The following PTPRM variants were observed in gnomAD, a reference collection of about 807,000 sequenced individuals.
PTPRM encodes the protein protein tyrosine phosphatase receptor type M, also known as receptor-type tyrosine-protein phosphatase mu.
Under a neutral mutation model 186.7 loss-of-function variants are expected in PTPRM, and 47 were observed. That is an observed-to-expected ratio of 0.25 (90% CI 0.20 to 0.32). The LOEUF (loss-of-function observed/expected upper bound fraction) is 0.32, where lower values mean the gene tolerates loss of function less well. PTPRM is among the 10% of genes least tolerant of loss of function. The probability of loss-of-function intolerance (pLI) is 1.00; values close to 1 mark genes in which losing one functional copy is unlikely to be tolerated. For missense variants in PTPRM, 1,494 were observed against 1,865.0 expected (o/e 0.80, Z 3.66); for synonymous variants, 668 against 674.9 (o/e 0.99, Z 0.16).
chr18:7,577,891 C>A (rs1042649372), intron 1 of PTPRM, among the ~76,000 whole-genome samples: 5 of 152,122 alleles, frequency 3.3e-5, no homozygotes, highest in Non-Finnish European at 5.9e-5. Flanking sequence ...TAGGCAGGGG[C>A]CCCTGTGAGA....
intron 1 of PTPRM, among the ~76,000 whole-genome samples, chr18:7,732,947 T>C (rs1186030178): frequency 1.3e-5 from 2 of 152,176 alleles, no homozygotes; most frequent in East Asian, 3.8e-4. Flanking sequence ...CACTACAATA[T>C]AGGCTAGACA....
At chr18:8,273,104 T>A (rs1039334378) in intron 19 of PTPRM, among the ~76,000 whole-genome samples, 3 of 152,186 alleles carry the variant, frequency 2.0e-5, no homozygotes, top group African/African-American at 7.2e-5. Flanking sequence ...AACATATAGC[T>A]AGATTTTAGT....
intron 32 of PTPRM, among the ~76,000 whole-genome samples, chr18:8,396,952 TGA>T (rs1245459428): frequency 3.3e-5 from 5 of 152,208 alleles, no homozygotes; most frequent in African/African-American, 1.2e-4. Flanking sequence ...GTATGTTGTC[TGA>T]GAGAATTAAT....
chr18:8,108,357 AC>A (rs1446220979), intron 11 of PTPRM, among the ~76,000 whole-genome samples: 1 of 152,076 alleles, frequency 6.6e-6, no homozygotes, highest in African/African-American at 2.4e-5. Flanking sequence ...AAGCGTTACA[AC>A]TTTTCTCCTT....
At chr18:8,288,450 G>C (rs1393788932) in intron 19 of PTPRM, among the ~76,000 whole-genome samples, 1 of 152,130 alleles carries the variant, frequency 6.6e-6, no homozygotes, top group Non-Finnish European at 1.5e-5. Flanking sequence ...GCCAAGAAAG[G>C]GTTGAATATC....
chr18:8,076,387 A>G, intron 8 of PTPRM, 68 bp from the exon 9 acceptor site: 1 of 913,812 alleles, frequency 1.1e-6, no homozygotes, highest in South Asian at 1.5e-5. Flanking sequence ...GGTTAAAACC[A>G]AGTCTAGAAA....
intron 2 of PTPRM, among the ~76,000 whole-genome samples, chr18:7,857,544 A>G (rs1450816239): frequency 6.6e-6 from 1 of 152,198 alleles, no homozygotes; most frequent in Non-Finnish European, 1.5e-5. Context: ...ACCTGTGTTT[A>G]CATTTCACTT....
chr18:7,658,838 G>C (rs1343992831), intron 1 of PTPRM, among the ~76,000 whole-genome samples: 1 of 152,132 alleles, frequency 6.6e-6, no homozygotes, highest in East Asian at 1.9e-4. Context: ...GTTTCTGGCA[G>C]TGCTTTTGTG....
intron 1 of PTPRM, among the ~76,000 whole-genome samples, chr18:7,601,141 AC>A (rs1346290039): frequency 8.5e-5 from 13 of 152,134 alleles, no homozygotes; most frequent in African/African-American, 3.1e-4. Flanking sequence ...ACAAATGTCC[AC>A]CTTTTAGGAG....
intron 1 of PTPRM, among the ~76,000 whole-genome samples, chr18:7,718,778 T>C (rs758644765): frequency 1.3e-5 from 2 of 152,184 alleles, no homozygotes; most frequent in African/African-American, 2.4e-5. Flanking sequence ...TAAAAGAAGA[T>C]ATACAAACAA....
At chr18:7,684,739 T>C (rs2144599694) in intron 1 of PTPRM, among the ~76,000 whole-genome samples, 1 of 152,356 alleles carries the variant, frequency 6.6e-6, no homozygotes, top group African/African-American at 2.4e-5. Flanking sequence ...CTTTATCCAT[T>C]AATCTGTCCA....
chr18:8,025,481 G>A (rs1199149392), intron 7 of PTPRM, among the ~76,000 whole-genome samples: 1 of 152,176 alleles, frequency 6.6e-6, no homozygotes, highest in Non-Finnish European at 1.5e-5. Flanking sequence ...TCTTCTTTGT[G>A]TTACTCAATG....
At chr18:8,064,590 T>G (rs2088904957) in intron 7 of PTPRM, among the ~76,000 whole-genome samples, 1 of 152,292 alleles carries the variant, frequency 6.6e-6, no homozygotes, top group African/African-American at 2.4e-5. Context: ...ATATTCAAAT[T>G]TATATAATTT....
At chr18:7,581,265 A>G (rs1465779297) in intron 1 of PTPRM, among the ~76,000 whole-genome samples, 1 of 152,188 alleles carries the variant, frequency 6.6e-6, no homozygotes, top group East Asian at 1.9e-4. Flanking sequence ...TGATGTTTCT[A>G]AGGAGTTACA....
At chr18:8,000,804 T>C (rs1599966491) in intron 7 of PTPRM, among the ~76,000 whole-genome samples, 1 of 152,324 alleles carries the variant, frequency 6.6e-6, no homozygotes, top group Non-Finnish European at 1.5e-5. Flanking sequence ...TAAATGTTCT[T>C]TCATAGGAAG....
intron 1 of PTPRM, among the ~76,000 whole-genome samples, chr18:7,604,564 C>T (rs1237934212): frequency 5.3e-5 from 8 of 152,184 alleles, no homozygotes; most frequent in South Asian, 4.2e-4. Context: ...GTGTCTGTGC[C>T]GGGAATGTTA....
chr18:7,903,571 CAG>C (rs1380603825), intron 3 of PTPRM, among the ~76,000 whole-genome samples: 2 of 152,210 alleles, frequency 1.3e-5, no homozygotes, highest in African/African-American at 2.4e-5. Context: ...TAGTAGTAGA[CAG>C]ATAAATTAGC....
intron 2 of PTPRM, among the ~76,000 whole-genome samples, chr18:7,824,709 C>T (rs2045391858): frequency 6.6e-6 from 1 of 152,076 alleles, no homozygotes; most frequent in Non-Finnish European, 1.5e-5. Context: ...GAACAAAACA[C>T]CATCCAAACT....
At chr18:8,276,416 G>A (rs1468501926) in intron 19 of PTPRM, among the ~76,000 whole-genome samples, 1 of 152,142 alleles carries the variant, frequency 6.6e-6, no homozygotes, top group Non-Finnish European at 1.5e-5. Context: ...TAATGCTTAA[G>A]TTTAACAACT....
Sources: allele counts gnomAD v4.1 joint callset (sites outside exome capture counted in the v4.1 genomes callset), GRCh38; gene constraint gnomAD v4.1.1; transcripts MANE v1.5; gene names NCBI Gene and HGNC (gene_info 2026-07-23, HGNC 2026-07-21).